CADPS2: variants seen among roughly 807,000 people sequenced by gnomAD.
The protein encoded by CADPS2 is calcium-dependent secretion activator 2.
Under a neutral mutation model 172.5 loss-of-function variants are expected in CADPS2, and 93 were observed. The observed-to-expected ratio is 0.54, with a 90% confidence interval of 0.46 to 0.64. CADPS2 has a LOEUF of 0.64. Among genes scored for constraint, CADPS2 ranks in the 30% least tolerant of loss-of-function variants. CADPS2 has a pLI of 0.00. For missense variants in CADPS2, 1,420 were observed against 1,565.9 expected, an observed-to-expected ratio of 0.91 and a Z score of 1.57; for synonymous variants, 546 against 555.2, an observed-to-expected ratio of 0.98 and a Z score of 0.23.
chr7:122,691,651 A>G (rs1002774696), intron 2 of CADPS2, among the ~76,000 whole-genome samples: 1 of 152,164 alleles, frequency 6.6e-6, no homozygotes, highest in Non-Finnish European at 1.5e-5. Flanking sequence ...TGACACTATG[A>G]AAGTCCATTG....
At position 122,450,324 on chromosome 7, in the gene CADPS2, G is replaced by T. The variant is rs1381535908; in HGVS notation, c.2288+1050C>A. Among the ~76,000 whole-genome samples the T allele has an allele frequency of 2.6e-5, 4 of 151,882 alleles. No individual in the cohort carries two copies. The East Asian group carries it at 7.7e-4, about 29-fold the overall frequency. On this transcript the variant is annotated intron_variant, in intron 15 of 29. Transcript: ENST00000449022. Reference sequence around the variant, plus strand: ...TCACATGCATGCAACATAGCAGACAGGTTATAAGACACAATACATTATGTG... The same window carrying T: ...TCACATGCATGCAACATAGCAGACATGTTATAAGACACAATACATTATGTG...
chr7:122,332,911 C>A (rs888413611), intron 28 of CADPS2, among the ~76,000 whole-genome samples: 13 of 152,166 alleles, frequency 8.5e-5, no homozygotes, highest in Non-Finnish European at 1.9e-4. Flanking sequence ...AGTGCCTCTG[C>A]AAGTTTATTC....
intron 1 of CADPS2, among the ~76,000 whole-genome samples, chr7:122,837,521 T>G (rs186951713): frequency 6.6e-6 from 1 of 152,148 alleles, no homozygotes; most frequent in Non-Finnish European, 1.5e-5. Context: ...ACAAAATTGA[T>G]AGACCACTAG....
intron 1 of CADPS2, among the ~76,000 whole-genome samples, chr7:122,758,556 C>T (rs2093259831): frequency 6.6e-6 from 1 of 152,142 alleles, no homozygotes; most frequent in Non-Finnish European, 1.5e-5. Context: ...AAAAAATAAA[C>T]TGTTGTCACT....
At chr7:122,482,636 C>G (rs574472499) in intron 11 of CADPS2, among the ~76,000 whole-genome samples, 1 of 152,144 alleles carries the variant, frequency 6.6e-6, no homozygotes, top group African/African-American at 2.4e-5. Context: ...TCCTGAGGGA[C>G]GGGAAACAAG....
intron 1 of CADPS2, among the ~76,000 whole-genome samples, chr7:122,771,268 T>C (rs2093696515): frequency 6.6e-6 from 1 of 152,204 alleles, no homozygotes; most frequent in South Asian, 2.1e-4. Flanking sequence ...TATAATGCTT[T>C]GTAAAAGGAT....
intron 1 of CADPS2, among the ~76,000 whole-genome samples, chr7:122,758,645 A>C (rs2093262845): frequency 6.6e-6 from 1 of 152,170 alleles, no homozygotes; most frequent in Non-Finnish European, 1.5e-5. Context: ...CATAGAGCAA[A>C]AGCTTCAAAA....
chr7:122,343,452 T>C (rs1223543900), intron 28 of CADPS2, among the ~76,000 whole-genome samples: 2 of 152,226 alleles, frequency 1.3e-5, no homozygotes, highest in Non-Finnish European at 2.9e-5. Flanking sequence ...TAGTTCCCTC[T>C]GTCTGTTATC....
At chr7:122,491,458 T>G in intron 9 of CADPS2, 38 bp from the exon 10 acceptor site, 1 of 1,161,260 alleles carries the variant, frequency 8.6e-7, no homozygotes, top group Non-Finnish European at 1.2e-6. Flanking sequence ...TTAGTCACAT[T>G]AAATTTACCA....
intron 1 of CADPS2, among the ~76,000 whole-genome samples, chr7:122,881,190 C>A (rs1327025691): frequency 6.6e-6 from 1 of 152,030 alleles, no homozygotes; most frequent in African/African-American, 2.4e-5. Flanking sequence ...GAGCTGTTTC[C>A]ATTAAAGGCA....
intron 1 of CADPS2, among the ~76,000 whole-genome samples, chr7:122,874,062 C>T (rs1225915049): frequency 1.3e-5 from 2 of 151,868 alleles, no homozygotes; most frequent in Admixed American, 6.6e-5. Context: ...GATATTAGCC[C>T]TTTGTCAGAT....
chr7:122,850,124 C>G (rs149659976), intron 1 of CADPS2: 1 of 1,293,268 alleles, frequency 7.7e-7, no homozygotes, highest in Admixed American at 2.9e-5. Flanking sequence ...TCAACAACTC[C>G]GAGTTTTAGC....
At chr7:122,699,496 G>T (rs184776593) in intron 2 of CADPS2, among the ~76,000 whole-genome samples, 1 of 152,160 alleles carries the variant, frequency 6.6e-6, no homozygotes, top group African/African-American at 2.4e-5. Flanking sequence ...GGCAAAAGTG[G>T]TGAGCTTAGT....
At chr7:122,738,867 A>C (rs1164312464) in intron 1 of CADPS2, among the ~76,000 whole-genome samples, 2 of 151,818 alleles carry the variant, frequency 1.3e-5, no homozygotes, top group African/African-American at 4.8e-5. Context: ...AAAAAAAAAA[A>C]AAAACTTTTG....
chr7:122,678,700 G>T (rs1186832152), intron 2 of CADPS2, among the ~76,000 whole-genome samples: 1 of 152,152 alleles, frequency 6.6e-6, no homozygotes, highest in Non-Finnish European at 1.5e-5. Context: ...GCCGATCTTA[G>T]GTTCTACATA....
chr7:122,851,293 G>C (rs976447001), intron 1 of CADPS2, among the ~76,000 whole-genome samples: 4 of 152,126 alleles, frequency 2.6e-5, no homozygotes, highest in Admixed American at 2.0e-4. Flanking sequence ...CCACTGAGGA[G>C]TCCTTGAGCT....
intron 8 of CADPS2, among the ~76,000 whole-genome samples, chr7:122,518,702 T>C (rs1490845812): frequency 6.6e-6 from 1 of 152,048 alleles, no homozygotes; most frequent in Non-Finnish European, 1.5e-5. Flanking sequence ...CAAAGAAGTT[T>C]TTTTTTAAGG....
chr7:122,836,370 A>G (rs545342253), intron 1 of CADPS2, among the ~76,000 whole-genome samples: 9 of 152,210 alleles, frequency 5.9e-5, no homozygotes, highest in Non-Finnish European at 1.3e-4. Flanking sequence ...AACTGCATCA[A>G]CTAACAAGCA....
At chr7:122,753,366 AC>A (rs964477189) in intron 1 of CADPS2, among the ~76,000 whole-genome samples, 2 of 152,194 alleles carry the variant, frequency 1.3e-5, no homozygotes, top group African/African-American at 4.8e-5. Context: ...GAAACTTTAA[AC>A]TTTTTTAAAG....
Sources: gnomAD v4.1 joint callset for allele counts (sites outside exome capture counted in the v4.1 genomes callset) on GRCh38, gnomAD v4.1.1 for gene constraint, MANE v1.5 for transcripts, NCBI Gene and HGNC (gene_info 2026-07-23, HGNC 2026-07-21) for gene names.